Variants in EPB41 observed in about 807,000 individuals in gnomAD.
EPB41 encodes protein 4.1.
In EPB41, 65 loss-of-function variants were observed where a neutral mutation model predicts 108.0. The observed-to-expected ratio is 0.60, with a 90% CI of 0.49 to 0.74. EPB41 has a LOEUF of 0.74. Among genes scored for constraint, EPB41 ranks in the 30% least tolerant of loss-of-function variants. The probability of loss-of-function intolerance (pLI) is 0.00; values close to 1 mark genes in which losing one functional copy is unlikely to be tolerated. For synonymous variants in EPB41, 336 were observed against 358.9 expected (o/e 0.94, Z 0.72); for missense variants, 875 against 1,037.0 (o/e 0.84, Z 2.15).
chr1:28,914,310 C>G (rs1557647380), upstream of EPB41, among the ~76,000 whole-genome samples: 1 of 152,248 alleles, frequency 6.6e-6, no homozygotes, highest in Admixed American at 6.5e-5. Context: ...GTTCGACTTG[C>G]GCGTGCGCAC....
chr1:28,911,099 C>T, upstream of EPB41: 1 of 985,308 alleles, frequency 1.0e-6, no homozygotes, highest in Non-Finnish European at 1.2e-6. Context: ...GCAGATGGGC[C>T]CAGGAGTAAA....
In EPB41 at chr1:28,941,283, GA is replaced by G. The variant is rs1041565962; in HGVS notation, c.-8+26516del. 8.5e-5 allele frequency among the ~76,000 whole-genome samples: 13 copies of G among 152,090 alleles called. No homozygotes were observed. In the South Asian group the frequency reaches 1.2e-3, roughly 15 times the overall value. ...TAGTCCCAGCTACTCGGGAGACTAAGATGGGAAGATCGCCTGAGACTGGTAG... is the reference window on the plus strand; with the variant it reads ...TAGTCCCAGCTACTCGGGAGACTAAGTGGGAAGATCGCCTGAGACTGGTAG... On this transcript the variant is annotated intron_variant, in intron 1 of 20. Transcript: ENST00000343067.
chr1:28,960,272 A>T (rs2149119847), intron 1 of EPB41, among the ~76,000 whole-genome samples: 1 of 151,818 alleles, frequency 6.6e-6, no homozygotes, highest in South Asian at 2.1e-4. Context: ...TGGCCTCCCA[A>T]AGTGTTGGGA....
intron 1 of EPB41, among the ~76,000 whole-genome samples, chr1:28,945,480 A>G (rs1394073721): frequency 6.6e-6 from 1 of 152,202 alleles, no homozygotes. Flanking sequence ...TAATTTTTAA[A>G]ATGAGCTATA....
At chr1:28,952,250 G>T (rs1346255739) in intron 1 of EPB41, among the ~76,000 whole-genome samples, 1 of 151,508 alleles carries the variant, frequency 6.6e-6, no homozygotes, top group Non-Finnish European at 1.5e-5. Context: ...TCGTGCGGCC[G>T]GGCACGGTGG....
At chr1:28,914,048 G>C (rs1355154809), upstream of EPB41, among the ~76,000 whole-genome samples, 1 of 152,240 alleles carries the variant, frequency 6.6e-6, no homozygotes, top group South Asian at 2.1e-4. Context: ...AGGGCGCCTA[G>C]AGACAGTCAA....
intron 1 of EPB41, among the ~76,000 whole-genome samples, chr1:28,950,013 C>T (rs2094645923): frequency 6.6e-6 from 1 of 152,108 alleles, no homozygotes; most frequent in African/African-American, 2.4e-5. Flanking sequence ...ATTAATTTAT[C>T]CATTTTCCTG....
At chr1:29,116,599 G>GCAGGGAAGCTGCTTTTTGGGAAC (rs1671033727) in intron 20 of EPB41, among the ~76,000 whole-genome samples, 1 of 152,174 alleles carries the variant, frequency 6.6e-6, no homozygotes, top group African/African-American at 2.4e-5. Flanking sequence ...AGAGCTGGGA[G>GCAGGGAAGCTGCTTTTTGGGAAC]CAGGGAAGCT....
chr1:29,097,652 A>G, intron 16 of EPB41, 155 bp from the exon 17 acceptor site: 1 of 809,872 alleles, frequency 1.2e-6, no homozygotes, highest in Non-Finnish European at 2.0e-6. Context: ...TTACTTTGGA[A>G]TACTGTCGAA....
chr1:28,919,038 G>T (rs748231616), intron 1 of EPB41, among the ~76,000 whole-genome samples: 7 of 152,206 alleles, frequency 4.6e-5, no homozygotes, highest in Non-Finnish European at 8.8e-5. Flanking sequence ...GAAGAATGCT[G>T]TAGCAGTGAG....
chr1:28,907,328 A>G (rs1010912933), intron 1 of EPB41, among the ~76,000 whole-genome samples: 6 of 151,666 alleles, frequency 4.0e-5, no homozygotes, highest in Non-Finnish European at 4.4e-5. Context: ...CGGCCTCCCA[A>G]AGTGCTGGGA....
At chr1:29,014,604 C>T (rs1286316784) in intron 5 of EPB41, among the ~76,000 whole-genome samples, 1 of 151,756 alleles carries the variant, frequency 6.6e-6, no homozygotes, top group Non-Finnish European at 1.5e-5. Flanking sequence ...TTCACTCTGC[C>T]ACCCAGGCTG....
intron 1 of EPB41, among the ~76,000 whole-genome samples, chr1:28,901,146 G>A (rs1301638533): frequency 6.6e-6 from 1 of 152,038 alleles, no homozygotes; most frequent in African/African-American, 2.4e-5. Context: ...AGCCAGGATA[G>A]TCTCGATCTG....
chr1:28,894,761 C>T (rs1284343996), intron 1 of EPB41, among the ~76,000 whole-genome samples: 1 of 152,160 alleles, frequency 6.6e-6, no homozygotes, highest in Non-Finnish European at 1.5e-5. Context: ...AACACTTTCC[C>T]CGCATAGGTG....
chr1:28,927,138 C>G (rs1371085027), intron 1 of EPB41, among the ~76,000 whole-genome samples: 2 of 152,172 alleles, frequency 1.3e-5, no homozygotes, highest in Non-Finnish European at 2.9e-5. Flanking sequence ...GAAAGGGGAA[C>G]TTGTACACAA....
chr1:29,063,894 G>A (rs1459747874), intron 15 of EPB41, among the ~76,000 whole-genome samples: 1 of 152,078 alleles, frequency 6.6e-6, no homozygotes, highest in Non-Finnish European at 1.5e-5. Context: ...TTTTGGCCAA[G>A]TCCCCTTTTT....
At chr1:29,097,148 T>C (rs575211323) in intron 16 of EPB41, 1 of 154,692 alleles carries the variant, frequency 6.5e-6, no homozygotes, top group South Asian at 2.0e-4. Context: ...CAAATGGTAG[T>C]TTCAGTGTGA....
chr1:29,050,754 C>A (rs912075846), intron 11 of EPB41, among the ~76,000 whole-genome samples: 3 of 152,142 alleles, frequency 2.0e-5, no homozygotes, highest in Middle Eastern at 3.4e-3. Context: ...CGGCTCACTG[C>A]AAGCTCCACC....
rs1646963716 is a variant in EPB41, at chr1:29,064,158, C to T, written c.2008-824C>T. Among the ~76,000 whole-genome samples the T allele has an allele frequency of 1.3e-5, 2 of 152,246 alleles. 1 individual carries two copies. Among genetic ancestry groups the T allele is most frequent in the South Asian group, 4.1e-4 (2 of 4,820 alleles). On this transcript the variant is annotated intron_variant, in intron 15 of 20. Transcript: ENST00000343067. Reference sequence around the variant, plus strand: ...GGAGATATATAAGGTATTTGGTGAACTCTTGTTAACTCACTCTCAATCCTT... The same window carrying T: ...GGAGATATATAAGGTATTTGGTGAATTCTTGTTAACTCACTCTCAATCCTT...
Sources: allele counts gnomAD v4.1 joint callset (sites outside exome capture counted in the v4.1 genomes callset), GRCh38; gene constraint gnomAD v4.1.1; transcripts MANE v1.5; gene names NCBI Gene and HGNC (gene_info 2026-07-23, HGNC 2026-07-21).